RALGAPA1: variants seen among roughly 807,000 people sequenced by gnomAD.
RALGAPA1 encodes ral GTPase-activating protein subunit alpha-1.
Under a neutral mutation model 269.6 loss-of-function variants are expected in RALGAPA1, and 52 were observed. That is an observed-to-expected ratio of 0.19 (90% CI 0.15 to 0.24). The LOEUF is 0.24. Ranked by LOEUF, RALGAPA1 falls within the 10% of genes least tolerant of loss-of-function variation. The pLI, the probability that RALGAPA1 is intolerant of heterozygous loss-of-function variation, is 1.00. For synonymous variants in RALGAPA1, 817 were observed against 1,008.3 expected (o/e 0.81, Z 3.60); for missense variants, 1,917 against 3,013.9 (o/e 0.64, Z 8.52).
At chr14:35,692,018 C>T (rs1024120723) in intron 17 of RALGAPA1, among the ~76,000 whole-genome samples, 3 of 152,084 alleles carry the variant, frequency 2.0e-5, no homozygotes, top group Admixed American at 6.5e-5. Flanking sequence ...GTTAATACAG[C>T]AGATAACTAA....
chr14:35,637,668 A>G (rs2061748418), intron 31 of RALGAPA1, among the ~76,000 whole-genome samples: 3 of 152,232 alleles, frequency 2.0e-5, no homozygotes, highest in Admixed American at 2.0e-4. Context: ...GGATAAAAAC[A>G]TAGAACTTCC....
chr14:35,796,338 C>T (rs777422988), intron 1 of RALGAPA1, among the ~76,000 whole-genome samples: 4 of 151,972 alleles, frequency 2.6e-5, no homozygotes, highest in African/African-American at 9.7e-5. Context: ...AGATGAAACA[C>T]GCAGAGGAAA....
At chr14:35,542,960 A>G (rs555264009) in intron 41 of RALGAPA1, among the ~76,000 whole-genome samples, 1 of 152,330 alleles carries the variant, frequency 6.6e-6, no homozygotes, top group Non-Finnish European at 1.5e-5. Context: ...TTTCGTTTGT[A>G]CTGTTTGGTG....
chr14:35,667,470 G>A (rs760181143), intron 26 of RALGAPA1, among the ~76,000 whole-genome samples: 19 of 152,128 alleles, frequency 1.2e-4, no homozygotes, highest in Non-Finnish European at 2.2e-4. Context: ...GGCATTCAAG[G>A]CCTTTCCAAA....
At chr14:35,775,267 T>C (rs1421224200) in intron 2 of RALGAPA1, among the ~76,000 whole-genome samples, 3 of 152,192 alleles carry the variant, frequency 2.0e-5, no homozygotes. Context: ...TATTTATGTC[T>C]AGAAACAAAT....
chr14:35,765,506 AATTT>A (rs1281739202), intron 4 of RALGAPA1, among the ~76,000 whole-genome samples: 9 of 151,980 alleles, frequency 5.9e-5, no homozygotes, highest in African/African-American at 2.2e-4. Flanking sequence ...ATACTTAACA[AATTT>A]ATTTGTTTGA....
At chr14:35,589,914 G>C (rs955036872) in intron 37 of RALGAPA1, among the ~76,000 whole-genome samples, 2 of 151,892 alleles carry the variant, frequency 1.3e-5, no homozygotes, top group Non-Finnish European at 2.9e-5. Flanking sequence ...GACTGATATC[G>C]AACTCCTGAG....
chr14:35,741,292 A>G lies in RALGAPA1; in HGVS notation c.1449+1076T>C, dbSNP rs145829060. Reference sequence around the variant, plus strand: ...TCATAGGTTTATTTTCCAGCATAAAAATATCAATAAATTTGATATTTTTCA... The same window carrying G: ...TCATAGGTTTATTTTCCAGCATAAAGATATCAATAAATTTGATATTTTTCA... On this transcript the variant is annotated intron_variant, in intron 11 of 41. Coordinates refer to ENST00000680220, the MANE Select transcript of RALGAPA1 (RefSeq NM_001346249.2). Among the ~76,000 whole-genome samples, 823 of 152,280 alleles carry G rather than the reference A, an allele frequency of 5.4e-3. 7 individuals carry two copies. Among genetic ancestry groups the G allele is most frequent in the African/African-American group, 0.019 (776 of 41,548 alleles).
chr14:35,718,702 G>C (rs1475536754), intron 16 of RALGAPA1, among the ~76,000 whole-genome samples: 1 of 152,050 alleles, frequency 6.6e-6, no homozygotes, highest in Non-Finnish European at 1.5e-5. Context: ...TGTAGTCCCA[G>C]CTACTTGGGA....
At chr14:35,569,966 T>G (rs1413742710) in intron 39 of RALGAPA1, among the ~76,000 whole-genome samples, 1 of 152,126 alleles carries the variant, frequency 6.6e-6, no homozygotes, top group East Asian at 1.9e-4. Flanking sequence ...AGATTAGTAC[T>G]GATTAAAAGT....
At chr14:35,630,750 G>A (rs1374332066) in intron 33 of RALGAPA1, among the ~76,000 whole-genome samples, 1 of 152,106 alleles carries the variant, frequency 6.6e-6, no homozygotes, top group African/African-American at 2.4e-5. Context: ...ACAAAAATTA[G>A]CTGGGTGTGC....
chr14:35,543,021 T>C (rs960925287), intron 41 of RALGAPA1, among the ~76,000 whole-genome samples: 14 of 152,338 alleles, frequency 9.2e-5, no homozygotes, highest in Admixed American at 2.6e-4. Flanking sequence ...TATAGCCCTA[T>C]AAAATATTAT....
At chr14:35,716,296 G>A (rs764117670) in intron 16 of RALGAPA1, among the ~76,000 whole-genome samples, 46 of 151,172 alleles carry the variant, frequency 3.0e-4, no homozygotes, top group Middle Eastern at 3.4e-3. Flanking sequence ...TACTTGGGAG[G>A]CTGAGGCAGG....
At chr14:35,713,539 G>T (rs996536809) in intron 16 of RALGAPA1, among the ~76,000 whole-genome samples, 2 of 152,172 alleles carry the variant, frequency 1.3e-5, no homozygotes, top group African/African-American at 2.4e-5. Flanking sequence ...CCTTCTCAAT[G>T]ATGAGGAGGA....
intron 25 of RALGAPA1, among the ~76,000 whole-genome samples, chr14:35,671,877 C>G (rs1192519595): frequency 6.6e-6 from 1 of 152,182 alleles, no homozygotes; most frequent in East Asian, 1.9e-4. Context: ...TGTGCAATAA[C>G]TCTCATTTCT....
Position 35,689,761 on chromosome 14 carries a change from T to G in RALGAPA1, c.2650A>C (p.Thr884Pro), listed in dbSNP as rs573678710. 4.2e-5 allele frequency: 63 copies of G among 1,503,012 alleles called. No homozygotes were observed. In the African/African-American group the frequency reaches 8.2e-4, roughly 19 times the overall value. 93.1% of individuals were successfully genotyped at this position (1,503,012 alleles called of 1,614,324 possible). A position where few individuals can be genotyped will look rare whatever the true frequency, so the allele number is the denominator to read the frequency against. ...LQSSTEASSI[T>P]RSTESHITDT... ...GTGATGTGGCTTTCAGTGGATCTAG[T>G]TATTGAAGAAGCCTCTGTGGAACTC... Residue 884 changes from threonine to proline, a missense_variant, in exon 18 of 42, where the codon ACT becomes CCT. Around this residue, in one of 11 missense-constraint regions of RALGAPA1, gnomAD observed 615 missense variants for 790.0 expected, o/e 0.78. Transcript: ENST00000680220.
At chr14:35,762,406 C>G (rs2073795448) in intron 5 of RALGAPA1, among the ~76,000 whole-genome samples, 1 of 152,122 alleles carries the variant, frequency 6.6e-6, no homozygotes, top group African/African-American at 2.4e-5. Flanking sequence ...CAGGCACGTG[C>G]CACCACGCCC....
At chr14:35,633,419 T>C (rs1267626474) in intron 33 of RALGAPA1, among the ~76,000 whole-genome samples, 1 of 152,212 alleles carries the variant, frequency 6.6e-6, no homozygotes, top group Non-Finnish European at 1.5e-5. Context: ...CTTAAATTCC[T>C]ATTTCAATAG....
intron 17 of RALGAPA1, among the ~76,000 whole-genome samples, chr14:35,696,423 A>T (rs2066905983): frequency 6.6e-6 from 1 of 152,008 alleles, no homozygotes; most frequent in South Asian, 2.1e-4. Flanking sequence ...CTTCAAGAAT[A>T]CTCAACTATT....
Sources: allele counts gnomAD v4.1 joint callset (sites outside exome capture counted in the v4.1 genomes callset), GRCh38; gene constraint gnomAD v4.1.1; regional missense constraint gnomAD v4.1.1; transcripts MANE v1.5; gene names NCBI Gene and HGNC (gene_info 2026-07-23, HGNC 2026-07-21).